Variants in ABCB9 observed in about 807,000 individuals in gnomAD.
ABCB9 encodes the protein ATP binding cassette subfamily B member 9.
A neutral mutation model predicts 62.0 loss-of-function variants in ABCB9; 36 were observed. The observed-to-expected ratio is 0.58, with a 90% CI of 0.45 to 0.77. The LOEUF is 0.77. ABCB9 is among the 30% of genes least tolerant of loss of function. The probability of loss-of-function intolerance (pLI) is 0.00; values close to 1 mark genes in which losing one functional copy is unlikely to be tolerated. For missense variants in ABCB9, 943 were observed against 1,054.7 expected (o/e 0.89, Z 1.47); for synonymous variants, 435 against 461.4 (o/e 0.94, Z 0.73).
At chr12:122,922,599 G>A (rs1327314999) in intron 11 of ABCB9, among the ~76,000 whole-genome samples, 3 of 152,126 alleles carry the variant, frequency 2.0e-5, no homozygotes, top group Admixed American at 6.5e-5. Flanking sequence ...AGATGGTCTC[G>A]AACTCCTGGC....
At chr12:122,943,655 G>A (rs1175993272) in intron 7 of ABCB9, among the ~76,000 whole-genome samples, 22 of 152,012 alleles carry the variant, frequency 1.4e-4, no homozygotes, top group Admixed American at 1.4e-3. Context: ...TTGAGATGGA[G>A]TTTCGCTTTG....
chr12:122,924,777 AC>A (rs1266245153), downstream of ABCB9: 17 of 1,534,614 alleles, frequency 1.1e-5, no homozygotes, highest in Non-Finnish European at 1.4e-5. Context: ...AAAGCCCTCG[AC>A]TGCAATTACT....
chr12:122,945,927 G>A, intron 6 of ABCB9, 98 bp downstream of exon 6: 1 of 948,942 alleles, frequency 1.1e-6, no homozygotes, highest in South Asian at 1.4e-5. Flanking sequence ...CCACCAGCTT[G>A]ACACCAACAT....
intron 11 of ABCB9, among the ~76,000 whole-genome samples, chr12:122,923,496 A>G (rs984382772): frequency 4.6e-5 from 7 of 151,946 alleles, no homozygotes; most frequent in African/African-American, 7.3e-5. Context: ...TCACTGTGTT[A>G]GCCAGGATGG....
chr12:122,942,481 T>C (rs2135815593), intron 7 of ABCB9, among the ~76,000 whole-genome samples: 1 of 152,018 alleles, frequency 6.6e-6, no homozygotes, highest in East Asian at 1.9e-4. Flanking sequence ...TAGCTGGGCA[T>C]GGTGGTGCAT....
upstream of ABCB9, among the ~76,000 whole-genome samples, chr12:122,971,153 C>A (rs907258519): frequency 6.6e-6 from 1 of 151,990 alleles, no homozygotes; most frequent in Non-Finnish European, 1.5e-5. Context: ...GAGGCCAAGG[C>A]GGGTGGATCA....
intron 11 of ABCB9, among the ~76,000 whole-genome samples, chr12:122,922,059 G>T (rs1454591064): frequency 6.6e-6 from 1 of 152,090 alleles, no homozygotes; most frequent in Non-Finnish European, 1.5e-5. Context: ...TCAGGTCTGG[G>T]CCAGGTTCTC....
At chr12:122,952,091 C>G (rs1280185984) in intron 2 of ABCB9, 1 of 153,166 alleles carries the variant, frequency 6.5e-6, no homozygotes, top group Non-Finnish European at 1.5e-5. Flanking sequence ...GAGGGACCAT[C>G]TTGGAAGCAG....
chr12:122,968,403 C>A (rs1196662380), upstream of ABCB9, among the ~76,000 whole-genome samples: 1 of 152,138 alleles, frequency 6.6e-6, no homozygotes, highest in Admixed American at 6.5e-5. Flanking sequence ...GTGAGGGCAG[C>A]CCCTGGCATG....
upstream of ABCB9, among the ~76,000 whole-genome samples, chr12:122,968,495 G>T (rs1353789620): frequency 6.6e-6 from 1 of 152,168 alleles, no homozygotes; most frequent in Non-Finnish European, 1.5e-5. Context: ...TACTAGCATA[G>T]TATAGCAAAA....
chr12:122,963,284 T>C (rs1351928853), intron 1 of ABCB9, among the ~76,000 whole-genome samples: 1 of 151,174 alleles, frequency 6.6e-6, no homozygotes, highest in Non-Finnish European at 1.5e-5. Context: ...GGTGACAGAG[T>C]GAAGGAAAAT....
chr12:122,935,360 G>A lies in ABCB9; in HGVS notation c.1815C>T (p.Pro605=), dbSNP rs1429108880. ...CCACCACCATCTCGAAAGGCACAGT[G>A]GGCAGGCCGTAGGAGATGTTATCCG... ...SITDNISYGL[P]TVPFEMVVEA... The change falls in exon 10 of 12, where the codon CCC becomes CCT. Residue 605 remains proline, a synonymous_variant. Coordinates refer to ENST00000280560, the MANE Select transcript of ABCB9 (RefSeq NM_019625.4). The A allele has an allele frequency of 6.2e-7, 1 of 1,614,128 alleles. No homozygotes were observed. Among genetic ancestry groups the A allele is most frequent in the Admixed American group, 1.7e-5 (1 of 60,008 alleles).
downstream of ABCB9, among the ~76,000 whole-genome samples, chr12:122,920,443 G>A (rs982901686): frequency 6.6e-6 from 1 of 152,098 alleles, no homozygotes; most frequent in African/African-American, 2.4e-5. Flanking sequence ...CCAGTCTAGG[G>A]AAAAGGTTCA....
chr12:122,946,846 TG>T (rs760329970), intron 5 of ABCB9, among the ~76,000 whole-genome samples: 2 of 152,238 alleles, frequency 1.3e-5, no homozygotes, highest in Non-Finnish European at 2.9e-5. Flanking sequence ...ACCAGAGTCC[TG>T]GAAGAGGCCC....
At position 122,944,590 on chromosome 12, in the gene ABCB9, A is replaced by C; in HGVS notation, c.1252-71T>G. On this transcript the variant is annotated intron_variant, in intron 6 of 11. Coordinates refer to ENST00000280560, the MANE Select transcript of ABCB9 (RefSeq NM_019625.4). This position sits in a 1 kb window ranked among gnomAD's most constrained non-coding sequence, Gnocchi z 4.9. ...CCCCACCATCCCCATTCCCTGACCCATCCCAGGCTGCAGGGGGAGGTGAGG... is the reference window on the plus strand; with the variant it reads ...CCCCACCATCCCCATTCCCTGACCCCTCCCAGGCTGCAGGGGGAGGTGAGG... The C allele has an allele frequency of 6.3e-7, 1 of 1,576,666 alleles. No individual in the cohort carries two copies. Among genetic ancestry groups the C allele is most frequent in the Non-Finnish European group, 8.6e-7 (1 of 1,158,588 alleles).
intron 1 of ABCB9, among the ~76,000 whole-genome samples, chr12:122,962,473 C>G (rs1174003367): frequency 6.6e-6 from 1 of 152,196 alleles, no homozygotes; most frequent in Non-Finnish European, 1.5e-5. Context: ...CGCCCAGGTG[C>G]CCAAACCGCT....
At chr12:122,925,772 A>G (rs936230613), downstream of ABCB9, among the ~76,000 whole-genome samples, 1 of 152,214 alleles carries the variant, frequency 6.6e-6, no homozygotes, top group Non-Finnish European at 1.5e-5. Context: ...ACAACAAAAC[A>G]TGAATGTTCC....
chr12:122,967,099 G>C (rs943078964), upstream of ABCB9, among the ~76,000 whole-genome samples: 6 of 152,214 alleles, frequency 3.9e-5, no homozygotes, highest in African/African-American at 1.2e-4. Flanking sequence ...TCAGGGATTC[G>C]GGGCATTGGA....
In ABCB9 at chr12:122,940,716, G is replaced by A; in HGVS notation, c.1569+91C>T. The A allele has an allele frequency of 7.1e-7, 1 of 1,418,312 alleles. No individual in the cohort carries two copies. Among genetic ancestry groups the A allele is most frequent in the Non-Finnish European group, 9.4e-7 (1 of 1,068,524 alleles). 87.9% of individuals were successfully genotyped at this position (1,418,312 alleles called of 1,614,324 possible). A position where few individuals can be genotyped will look rare whatever the true frequency, so the allele number is the denominator to read the frequency against. ...AATGATCTTGCCTGACATATTCCCAGCTGCCCTGCCACAGCCTGGTGTATA... is the reference window on the plus strand; with the variant it reads ...AATGATCTTGCCTGACATATTCCCAACTGCCCTGCCACAGCCTGGTGTATA... On this transcript the variant is annotated intron_variant, in intron 8 of 11. Transcript: ENST00000280560. The surrounding 1 kb of genome is among the most constrained non-coding windows in gnomAD (Gnocchi z 4.8).
Sources: gnomAD v4.1 joint callset for allele counts (sites outside exome capture counted in the v4.1 genomes callset) on GRCh38, gnomAD v4.1.1 for gene constraint, Gnocchi (gnomAD v3.1) non-coding constraint, MANE v1.5 for transcripts, NCBI Gene and HGNC (gene_info 2026-07-23, HGNC 2026-07-21) for gene names.